Variants in KIR3DL1 observed in about 807,000 individuals in gnomAD.
KIR3DL1 encodes the protein killer cell immunoglobulin-like receptor 3DL1.
A neutral mutation model predicts 40.3 loss-of-function variants in KIR3DL1; 50 were observed. The ratio of observed to expected loss-of-function variants is 1.24; its 90% CI spans 0.99 to 1.57. The LOEUF is 1.57. Ranked by LOEUF, KIR3DL1 falls within the 40% of genes most tolerant of loss-of-function variation. KIR3DL1 has a pLI of 0.00. For synonymous variants in KIR3DL1, 257 were observed against 207.2 expected (o/e 1.24, Z -2.07); for missense variants, 661 against 559.9 (o/e 1.18, Z -1.82).
chr19:54,824,501 A>G (rs1242568592), intron 5 of KIR3DL1, among the ~76,000 whole-genome samples: 1 of 151,270 alleles, frequency 6.6e-6, no homozygotes, highest in Non-Finnish European at 1.5e-5. Flanking sequence ...ACAGAGTGAA[A>G]CCTCGTCTCT....
chr19:54,819,027 G>A (rs1475878837), intron 3 of KIR3DL1, among the ~76,000 whole-genome samples: 2 of 151,126 alleles, frequency 1.3e-5, no homozygotes, highest in African/African-American at 4.9e-5. Context: ...AAGACCACTA[G>A]TCACAGAATG....
chr19:54,821,871 C>T lies in KIR3DL1; in HGVS notation c.949+13C>T. On this transcript the variant is annotated intron_variant, in intron 5 of 8. Transcript: ENST00000391728. Reference sequence around the variant, plus strand: ...GTTTCTGTCACAGGTGAGAAAAGCCCATATCTCTCTCATGTCCTATGATCC... The same window carrying T: ...GTTTCTGTCACAGGTGAGAAAAGCCTATATCTCTCTCATGTCCTATGATCC... 1 of 1,596,684 alleles carries T rather than the reference C, an allele frequency of 6.3e-7. No homozygotes were observed. The highest frequency in any genetic ancestry group is 8.5e-7 in the Non-Finnish European group (1 of 1,169,648).
intron 5 of KIR3DL1, 80 bp downstream of exon 5, chr19:54,821,938 A>ATCT: frequency 6.8e-7 from 1 of 1,481,092 alleles, no homozygotes; most frequent in South Asian, 1.1e-5. Context: ...GATGGAGAAA[A>ATCT]GCATGGACAG....
At chr19:54,821,975 G>A in intron 5 of KIR3DL1, 117 bp downstream of exon 5, 3 of 1,289,080 alleles carry the variant, frequency 2.3e-6, no homozygotes, top group African/African-American at 1.5e-5. Context: ...CAGCAGGTGT[G>A]AGGGCGGAGT....
chr19:54,817,485 G>T, intron 1 of KIR3DL1, 49 bp from the exon 2 acceptor site: 1 of 1,396,600 alleles, frequency 7.2e-7, no homozygotes, highest in African/African-American at 1.7e-5. Context: ...GCAGCAGGGT[G>T]CCCTGGTTTG....
chr19:54,824,368 G>A (rs1265254984), intron 5 of KIR3DL1, among the ~76,000 whole-genome samples: 3 of 151,322 alleles, frequency 2.0e-5, no homozygotes, highest in African/African-American at 4.9e-5. Flanking sequence ...GTAAGTTCTC[G>A]GCACCTTTGT....
intron 3 of KIR3DL1, among the ~76,000 whole-genome samples, chr19:54,819,107 T>G (rs2061503452): frequency 6.6e-6 from 1 of 151,318 alleles, no homozygotes; most frequent in African/African-American, 2.4e-5. Flanking sequence ...AACGCAGCCC[T>G]GTAGACACCT....
chr19:54,830,582 C>A, exon 9 of KIR3DL1: 1 of 403,024 alleles, frequency 2.5e-6, no homozygotes, highest in Non-Finnish European at 4.5e-6. Context: ...TGCAATCACA[C>A]TGAGGAACTC....
chr19:54,827,304 A>G (rs544687561), intron 6 of KIR3DL1, among the ~76,000 whole-genome samples: 1 of 151,388 alleles, frequency 6.6e-6, no homozygotes, highest in African/African-American at 2.4e-5. Context: ...ATAGCATAGT[A>G]TACAAGTCTG....
At chr19:54,816,696 A>C (rs1164686532) in intron 1 of KIR3DL1, among the ~76,000 whole-genome samples, 162 bp downstream of exon 1, 1 of 119,034 alleles carries the variant, frequency 8.4e-6, no homozygotes, top group African/African-American at 3.6e-5. Context: ...TGGAGTGGAG[A>C]TAGGGGCCTG....
At chr19:54,816,592 G>A in intron 1 of KIR3DL1, 58 bp downstream of exon 1, 1 of 1,494,064 alleles carries the variant, frequency 6.7e-7, no homozygotes, top group Non-Finnish European at 9.2e-7. Context: ...TGGACCTGGA[G>A]GTAAAGATAT....
At chr19:54,818,374 C>T in exon 3 of KIR3DL1, 1 of 1,606,638 alleles carries the variant, frequency 6.2e-7, no homozygotes, top group East Asian at 2.2e-5. Flanking sequence ...TCGAGGAGGA[C>T]ACGTGACTCT....
intron 5 of KIR3DL1, among the ~76,000 whole-genome samples, chr19:54,822,926 A>G (rs1395267262): frequency 6.8e-6 from 1 of 147,548 alleles, no homozygotes; most frequent in Non-Finnish European, 1.5e-5. Context: ...TACTGTGAAC[A>G]GTGCTGGAAC....
At chr19:54,817,367 GTC>G (rs1423974856) in intron 1 of KIR3DL1, among the ~76,000 whole-genome samples, 165 bp from the exon 2 acceptor site, 2 of 144,568 alleles carry the variant, frequency 1.4e-5, no homozygotes, top group African/African-American at 2.7e-5. Flanking sequence ...TGGAGGCTCA[GTC>G]TCTGCACAGC....
At chr19:54,829,616 C>A in intron 7 of KIR3DL1, 151 bp downstream of exon 7, 1 of 745,190 alleles carries the variant, frequency 1.3e-6, no homozygotes, top group Non-Finnish European at 2.1e-6. Flanking sequence ...GCACCAGACT[C>A]CCTGCCCCTG....
chr19:54,817,534 G>C, exon 2 of KIR3DL1: 1 of 1,511,062 alleles, frequency 6.6e-7, no homozygotes, highest in Non-Finnish European at 9.0e-7. Context: ...TTCTTTCTAG[G>C]GTTGTTCTTG....
chr19:54,817,271 A>G (rs1233059728), intron 1 of KIR3DL1, among the ~76,000 whole-genome samples: 1 of 140,948 alleles, frequency 7.1e-6, no homozygotes, highest in Non-Finnish European at 1.5e-5. Flanking sequence ...TGGAGAGGAG[A>G]TATGGGCCTG....
exon 9 of KIR3DL1, chr19:54,830,520 C>T (rs1263454734): frequency 1.9e-6 from 1 of 525,084 alleles, no homozygotes; most frequent in Non-Finnish European, 3.3e-6. Context: ...TTTCACTTGA[C>T]CCCTGCCCAC....
At chr19:54,829,393 A>T in exon 7 of KIR3DL1, 1 of 1,504,526 alleles carries the variant, frequency 6.6e-7, no homozygotes. Flanking sequence ...TCTGATTGGG[A>T]CCTCAGTGGT....
Sources: allele counts gnomAD v4.1 joint callset (sites outside exome capture counted in the v4.1 genomes callset), GRCh38; gene constraint gnomAD v4.1.1; transcripts MANE v1.5; gene names NCBI Gene and HGNC (gene_info 2026-07-23, HGNC 2026-07-21).